KCNQ3: variants seen among roughly 807,000 people sequenced by gnomAD.
KCNQ3 encodes the protein potassium voltage-gated channel subfamily KQT member 3.
In KCNQ3, 30 loss-of-function variants were observed where a neutral mutation model predicts 92.5. That is an observed-to-expected ratio of 0.32 (90% CI 0.24 to 0.44). The LOEUF (loss-of-function observed/expected upper bound fraction) is 0.44. Ranked by LOEUF, KCNQ3 falls within the 20% of genes least tolerant of loss-of-function variation. The pLI, the probability that KCNQ3 is intolerant of heterozygous loss-of-function variation, is 1.00. For synonymous variants in KCNQ3, 450 were observed against 468.8 expected, an observed-to-expected ratio of 0.96 and a Z score of 0.52; for missense variants, 913 against 1,140.3, an observed-to-expected ratio of 0.80 and a Z score of 2.87.
rs181484580 is a variant in KCNQ3 at position 132,272,425 on chromosome 8, C to T, written c.387-86244G>A. Among the ~76,000 whole-genome samples the T allele has an allele frequency of 1.4e-4, 21 of 152,356 alleles. No homozygotes were observed. In the East Asian group the frequency reaches 4.1e-3, roughly 29 times the overall value. On this transcript the variant is annotated intron_variant, in intron 1 of 14. Coordinates refer to ENST00000388996, the MANE Select transcript of KCNQ3 (RefSeq NM_004519.4). ...AGCTAGAAGAGTCGGAATGCCTGGG[C>T]TTTGCTTCAGTTCAGGCCAGGAACT... is the stretch of plus-strand genomic sequence containing the variant.
At chr8:132,283,060 G>A (rs983141019) in intron 1 of KCNQ3, among the ~76,000 whole-genome samples, 1 of 149,436 alleles carries the variant, frequency 6.7e-6, no homozygotes, top group Admixed American at 6.7e-5. Flanking sequence ...GAATGAGGCA[G>A]AAAGGAGATG....
At position 132,180,237 on chromosome 8, in the gene KCNQ3, G is replaced by T; in HGVS notation, c.697C>A (p.Gln233Lys). 1 of 1,614,210 alleles carries T rather than the reference G, an allele frequency of 6.2e-7. No individual in the cohort carries two copies. The highest frequency in any genetic ancestry group is 8.5e-7 in the Non-Finnish European group (1 of 1,180,044). ...TCCATCCGCAGCATGCGCAGGATCT[G>T]CAGGAAGCGCAGGCTTCGCAGGGAG... is the stretch of plus-strand genomic sequence containing the variant. ...ATSLRSLRFL[Q>K]ILRMLRMDRR... Residue 233 changes from glutamine (Q) to lysine (K), a missense_variant, in exon 4 of 15, where the codon CAG (glutamine) becomes AAG (lysine). Around this residue, in one of 6 missense-constraint regions of KCNQ3, gnomAD observed 100 missense variants for 217.6 expected, o/e 0.46. Coordinates refer to ENST00000388996, the MANE Select transcript of KCNQ3 (RefSeq NM_004519.4).
At chr8:132,214,010 G>T (rs1030545179) in intron 1 of KCNQ3, among the ~76,000 whole-genome samples, 4 of 152,114 alleles carry the variant, frequency 2.6e-5, no homozygotes, top group African/African-American at 9.7e-5. Flanking sequence ...ACCTAGCTAA[G>T]GCATTGTAGG....
chr8:132,138,857 A>T (rs547594811), intron 11 of KCNQ3, among the ~76,000 whole-genome samples: 22 of 152,130 alleles, frequency 1.4e-4, no homozygotes, highest in Admixed American at 2.6e-4. Flanking sequence ...TGGTATATTG[A>T]TTATGGTACT....
At chr8:132,290,543 T>C (rs1816809195) in intron 1 of KCNQ3, among the ~76,000 whole-genome samples, 1 of 152,132 alleles carries the variant, frequency 6.6e-6, no homozygotes, top group Non-Finnish European at 1.5e-5. Flanking sequence ...GCACTAATCC[T>C]GACACAAAAT....
intron 1 of KCNQ3, among the ~76,000 whole-genome samples, chr8:132,325,473 T>A (rs754175212): frequency 1.3e-5 from 2 of 152,220 alleles, no homozygotes. Flanking sequence ...AGAATGTGAC[T>A]GTATCTGGAG....
chr8:132,352,251 G>A (rs1317047463), intron 1 of KCNQ3, among the ~76,000 whole-genome samples: 6 of 152,088 alleles, frequency 3.9e-5, no homozygotes, highest in Admixed American at 2.6e-4. Context: ...GGGGTGTTAG[G>A]AGCAGAAATA....
intron 1 of KCNQ3, among the ~76,000 whole-genome samples, chr8:132,253,368 A>G (rs564028134): frequency 9.2e-5 from 14 of 152,198 alleles, no homozygotes; most frequent in African/African-American, 3.4e-4. Flanking sequence ...TGATTCCTTC[A>G]CTGAGTTAAG....
intron 6 of KCNQ3, 29 bp downstream of exon 6, chr8:132,174,210 T>G: frequency 6.7e-7 from 1 of 1,484,236 alleles, no homozygotes; most frequent in Non-Finnish European, 9.2e-7. Context: ...CACGTCACAT[T>G]GGGGATGTCA....
intron 1 of KCNQ3, among the ~76,000 whole-genome samples, chr8:132,476,703 A>C (rs931246528): frequency 3.3e-5 from 5 of 152,160 alleles, no homozygotes; most frequent in African/African-American, 1.2e-4. Flanking sequence ...GTTCATTGGC[A>C]GGAGCAACTT....
intron 11 of KCNQ3, 117 bp downstream of exon 11, chr8:132,139,959 G>C: frequency 1.4e-6 from 1 of 702,752 alleles, no homozygotes; most frequent in Non-Finnish European, 2.4e-6. Flanking sequence ...AGGGTTAGTG[G>C]AGGGGCTTCT....
intron 1 of KCNQ3, among the ~76,000 whole-genome samples, chr8:132,407,526 A>G (rs1586993363): frequency 1.3e-5 from 2 of 152,268 alleles, no homozygotes; most frequent in Non-Finnish European, 2.9e-5. Flanking sequence ...CAGTCCCAGG[A>G]TCAAAGCAGC....
intron 1 of KCNQ3, among the ~76,000 whole-genome samples, chr8:132,226,422 C>T (rs10091483): frequency 0.012 from 1,827 of 152,088 alleles, 18 homozygotes; most frequent in South Asian, 0.048. Flanking sequence ...AGTGTGGGCG[C>T]GCATGCGTGT....
chr8:132,325,504 A>G (rs1818021364), intron 1 of KCNQ3, among the ~76,000 whole-genome samples: 1 of 152,202 alleles, frequency 6.6e-6, no homozygotes, highest in Non-Finnish European at 1.5e-5. Context: ...TAAAGACGTC[A>G]TTAAGTTAAA....
At chr8:132,331,525 T>C (rs1479446176) in intron 1 of KCNQ3, among the ~76,000 whole-genome samples, 3 of 152,132 alleles carry the variant, frequency 2.0e-5, no homozygotes, top group African/African-American at 7.2e-5. Context: ...GGGAAAGTCA[T>C]AGCCTGGGCA....
At position 132,480,491 on chromosome 8, in the gene KCNQ3, G is replaced by A. The variant is rs1395792790; in HGVS notation, c.42C>T (p.Gly14=). 2 of 1,175,118 alleles carry A rather than the reference G, an allele frequency of 1.7e-6. No individual in the cohort carries two copies. Among genetic ancestry groups the A allele is most frequent in the African/African-American group, 1.6e-5 (1 of 61,324 alleles). 72.8% of individuals were successfully genotyped at this position (1,175,118 alleles called of 1,614,324 possible). A position where few individuals can be genotyped will look rare whatever the true frequency, so the allele number is the denominator to read the frequency against. Residue 14 remains glycine (G), a synonymous_variant, in exon 1 of 15, where the codon GGC becomes GGT. Transcript: ENST00000388996. ...KARRAAGAAG[G]GGDGGGGGGG... Reference sequence around the variant, plus strand: ...CGCCTCCGCCGCCCCCGTCGCCGCCGCCGCCAGCCGCCCCCGCCGCCCTGC... The same window carrying A: ...CGCCTCCGCCGCCCCCGTCGCCGCCACCGCCAGCCGCCCCCGCCGCCCTGC...
rs1398013704 is a variant in KCNQ3 at position 132,403,556 on chromosome 8, A to C, written c.386+76591T>G. On this transcript the variant is annotated intron_variant, in intron 1 of 14. Coordinates refer to ENST00000388996, the MANE Select transcript of KCNQ3 (RefSeq NM_004519.4). ...ACCTTGCTTCCTCTCCATGCCTTAA[A>C]AATGCCACCCTATAAGGAACACCAA... is the stretch of plus-strand genomic sequence containing the variant. Among the ~76,000 whole-genome samples, 6 of 152,322 alleles carry C rather than the reference A, an allele frequency of 3.9e-5. No homozygotes were observed. In the South Asian group the frequency reaches 1.0e-3, roughly 26 times the overall value.
intron 1 of KCNQ3, among the ~76,000 whole-genome samples, chr8:132,339,214 G>A (rs545450658): frequency 6.6e-6 from 1 of 152,184 alleles, no homozygotes; most frequent in African/African-American, 2.4e-5. Flanking sequence ...CCAGGAGCAG[G>A]GCCCTTCCAG....
chr8:132,305,461 G>C (rs748018987), intron 1 of KCNQ3, among the ~76,000 whole-genome samples: 8 of 152,020 alleles, frequency 5.3e-5, no homozygotes, highest in Non-Finnish European at 1.2e-4. Context: ...CCCCTTTTTT[G>C]AGACATTCTT....
Sources: gnomAD v4.1 joint callset for allele counts (sites outside exome capture counted in the v4.1 genomes callset) on GRCh38, gnomAD v4.1.1 for gene constraint, gnomAD v4.1.1 regional missense constraint, MANE v1.5 for transcripts, NCBI Gene and HGNC (gene_info 2026-07-23, HGNC 2026-07-21) for gene names.